SNCAIP: variants seen among roughly 807,000 people sequenced by gnomAD.
SNCAIP encodes synuclein alpha interacting protein.
Under a neutral mutation model 86.7 loss-of-function variants are expected in SNCAIP, and 43 were observed. The observed-to-expected ratio is 0.50, with a 90% CI of 0.39 to 0.64. The LOEUF (loss-of-function observed/expected upper bound fraction) is 0.64, where lower values mean the gene tolerates loss of function less well. Ranked by LOEUF, SNCAIP falls within the 30% of genes least tolerant of loss-of-function variation. The pLI is 0.00. For missense variants in SNCAIP, 981 were observed against 1,103.1 expected, an observed-to-expected ratio of 0.89 and a Z score of 1.57; for synonymous variants, 417 against 427.2, an observed-to-expected ratio of 0.98 and a Z score of 0.29.
chr5:122,430,600 C>T (rs568441644), intron 5 of SNCAIP, among the ~76,000 whole-genome samples: 1 of 152,014 alleles, frequency 6.6e-6, no homozygotes, highest in Non-Finnish European at 1.5e-5. Flanking sequence ...CGAGGAGATA[C>T]GTATCTGGGT....
At chr5:122,393,312 G>A (rs1329792240) in intron 2 of SNCAIP, among the ~76,000 whole-genome samples, 1 of 152,082 alleles carries the variant, frequency 6.6e-6, no homozygotes, top group Admixed American at 6.6e-5. Context: ...CATTTACCAT[G>A]GGACAGGCAT....
At chr5:122,391,976 G>C (rs1044644545) in intron 2 of SNCAIP, among the ~76,000 whole-genome samples, 10 of 152,174 alleles carry the variant, frequency 6.6e-5, no homozygotes, top group Admixed American at 2.0e-4. Flanking sequence ...TTCTGAGCTA[G>C]ACATACAACT....
chr5:122,334,992 A>T (rs759050715), intron 1 of SNCAIP, among the ~76,000 whole-genome samples: 36 of 152,274 alleles, frequency 2.4e-4, no homozygotes, highest in Non-Finnish European at 4.7e-4. Flanking sequence ...TTTAGCCGGG[A>T]GATATTCTAA....
intron 10 of SNCAIP, among the ~76,000 whole-genome samples, chr5:122,460,350 T>C (rs1785871215): frequency 6.6e-6 from 1 of 152,226 alleles, no homozygotes; most frequent in South Asian, 2.1e-4. Flanking sequence ...TGATTACATA[T>C]CTTGCCCAAG....
intron 1 of SNCAIP, chr5:122,369,670 G>A (rs1763880277): frequency 1.3e-5 from 2 of 152,140 alleles, no homozygotes; most frequent in Non-Finnish European, 2.9e-5. Context: ...GTTTTCAAAG[G>A]AAGATTTTTT....
intron 1 of SNCAIP, among the ~76,000 whole-genome samples, chr5:122,349,486 A>G (rs1759337697): frequency 1.3e-5 from 2 of 152,348 alleles, no homozygotes; most frequent in Admixed American, 6.5e-5. Context: ...CTGTTTTAAT[A>G]CATAGAAACT....
chr5:122,365,681 T>TA (rs199725160), intron 1 of SNCAIP, among the ~76,000 whole-genome samples: 1,584 of 152,054 alleles, frequency 0.01, 36 homozygotes, highest in African/African-American at 0.036. Flanking sequence ...CCTGTCTCCA[T>TA]AAAAAAAAAG....
At chr5:122,317,462 C>T (rs1751995006) in intron 1 of SNCAIP, among the ~76,000 whole-genome samples, 2 of 152,210 alleles carry the variant, frequency 1.3e-5, no homozygotes, top group South Asian at 4.1e-4. Context: ...ACTTTGATCA[C>T]ATGCATATGC....
intron 1 of SNCAIP, among the ~76,000 whole-genome samples, chr5:122,348,323 G>T (rs1032193966): frequency 2.0e-5 from 3 of 152,102 alleles, no homozygotes; most frequent in Non-Finnish European, 4.4e-5. Flanking sequence ...TGGAATTATG[G>T]TATAGGCAAT....
At chr5:122,351,527 A>T (rs1444018422) in intron 1 of SNCAIP, among the ~76,000 whole-genome samples, 1 of 133,276 alleles carries the variant, frequency 7.5e-6, no homozygotes, top group Non-Finnish European at 1.5e-5. Flanking sequence ...ACAGAGTGAG[A>T]CTCTGTATCA....
chr5:122,446,456 T>G (rs1352631330), intron 8 of SNCAIP, among the ~76,000 whole-genome samples: 1 of 152,250 alleles, frequency 6.6e-6, no homozygotes, highest in Non-Finnish European at 1.5e-5. Context: ...CTACAATCGC[T>G]CTTTTATTGG....
intron 2 of SNCAIP, among the ~76,000 whole-genome samples, chr5:122,403,316 C>A (rs1371318959): frequency 6.6e-6 from 1 of 152,166 alleles, no homozygotes; most frequent in Non-Finnish European, 1.5e-5. Flanking sequence ...ACATTAGGAA[C>A]TTTTGCCTAG....
chr5:122,335,704 A>G (rs757055293), intron 1 of SNCAIP, among the ~76,000 whole-genome samples: 1 of 152,218 alleles, frequency 6.6e-6, no homozygotes, highest in Admixed American at 6.5e-5. Flanking sequence ...TTAAAGCCTC[A>G]GCCAACCCAT....
At chr5:122,392,789 CACTT>C (rs1769699115) in intron 2 of SNCAIP, among the ~76,000 whole-genome samples, 1 of 152,132 alleles carries the variant, frequency 6.6e-6, no homozygotes. Context: ...ATATGTGAAA[CACTT>C]AGCTTGGCAC....
chr5:122,441,818 A>G (rs1781002813), intron 7 of SNCAIP, among the ~76,000 whole-genome samples: 1 of 152,226 alleles, frequency 6.6e-6, no homozygotes, highest in Non-Finnish European at 1.5e-5. Flanking sequence ...AGGAAAGGAA[A>G]GGCTTTGAAT....
chr5:122,399,745 A>C (rs1771385272), intron 2 of SNCAIP, among the ~76,000 whole-genome samples: 1 of 152,184 alleles, frequency 6.6e-6, no homozygotes, highest in South Asian at 2.1e-4. Context: ...TATATAGATG[A>C]ACCATCCTAT....
chr5:122,462,967 G>A (rs1288827003), intron 10 of SNCAIP, among the ~76,000 whole-genome samples: 1 of 152,144 alleles, frequency 6.6e-6, no homozygotes, highest in Admixed American at 6.5e-5. Flanking sequence ...GAGGGAAAAG[G>A]AGCATATTGT....
intron 1 of SNCAIP, among the ~76,000 whole-genome samples, chr5:122,366,074 C>T (rs935928999): frequency 2.0e-5 from 3 of 152,064 alleles, no homozygotes; most frequent in African/African-American, 7.2e-5. Flanking sequence ...AAACAGAAAC[C>T]ATTCTAAATA....
intron 1 of SNCAIP, among the ~76,000 whole-genome samples, chr5:122,363,290 T>A (rs764831353): frequency 1.3e-5 from 2 of 152,166 alleles, no homozygotes; most frequent in Non-Finnish European, 2.9e-5. Context: ...GCCACTGCAC[T>A]GGGCCTGCTT....
Sources: gnomAD v4.1 joint callset for allele counts (sites outside exome capture counted in the v4.1 genomes callset) on GRCh38, gnomAD v4.1.1 for gene constraint, MANE v1.5 for transcripts, NCBI Gene and HGNC (gene_info 2026-07-23, HGNC 2026-07-21) for gene names.